Variants in COL22A1 observed in about 807,000 individuals in gnomAD.
COL22A1 encodes the protein collagen type XXII alpha 1 chain, also known as collagen alpha-1(XXII) chain.
COL22A1 carries 221 observed loss-of-function variants against 248.9 expected under a neutral mutation model. That is an observed-to-expected ratio of 0.89 (90% CI 0.80 to 0.99). The LOEUF is 0.99. Among genes scored for constraint, COL22A1 ranks in the 50% least tolerant of loss-of-function variants. The probability of loss-of-function intolerance (pLI) is 0.00; values close to 1 mark genes in which losing one functional copy is unlikely to be tolerated. For synonymous variants in COL22A1, 891 were observed against 793.4 expected, an observed-to-expected ratio of 1.12 and a Z score of -2.07; for missense variants, 2,240 against 2,179.0, an observed-to-expected ratio of 1.03 and a Z score of -0.56.
rs572842565 is a variant in COL22A1, at chr8:138,804,032, C to A, written c.1495-1098G>T. On this transcript the variant is annotated intron_variant, in intron 10 of 64. Transcript: ENST00000303045. ...TAGCAATGGGGCCTCCCCTCTCAGCCCCTCAGCTCCTGGGCCCCTCTATCC... is the reference window on the plus strand; with the variant it reads ...TAGCAATGGGGCCTCCCCTCTCAGCACCTCAGCTCCTGGGCCCCTCTATCC... Among the ~76,000 whole-genome samples the A allele has an allele frequency of 1.9e-4, 29 of 152,260 alleles. No homozygotes were observed. The South Asian group carries it at 5.0e-3, about 26-fold the overall frequency.
chr8:138,656,079 G>A, intron 44 of COL22A1, 135 bp from the exon 45 acceptor site: 2 of 703,448 alleles, frequency 2.8e-6, no homozygotes, highest in Non-Finnish European at 2.4e-6. Context: ...GATACGGACA[G>A]CCCAGTGGAT....
chr8:138,633,177 A>G (rs1012043163), intron 49 of COL22A1, among the ~76,000 whole-genome samples: 10 of 152,384 alleles, frequency 6.6e-5, no homozygotes, highest in African/African-American at 1.4e-4. Flanking sequence ...TTGCTTCTGC[A>G]TGATTGGCTG....
rs142633966 is a variant in COL22A1, at chr8:138,669,309, G to C, written c.3151-5569C>G. On this transcript the variant is annotated intron_variant, in intron 41 of 64. Coordinates refer to ENST00000303045, the MANE Select transcript of COL22A1 (RefSeq NM_152888.3). ...GAAATGGAGAGCAGGGAGTGCCGAA[G>C]AGGGCTCGGCCACGGCCGTGGGGTC... Among the ~76,000 whole-genome samples, 324 of 152,340 alleles carry C rather than the reference G, an allele frequency of 2.1e-3. 1 individual carries two copies. The highest frequency in any genetic ancestry group is 7.4e-3 in the African/African-American group (307 of 41,596).
chr8:138,598,900 T>C lies in COL22A1; in HGVS notation c.4186-2A>G. On this transcript the variant is annotated splice_acceptor_variant, in intron 60 of 64. Coordinates refer to ENST00000303045, the MANE Select transcript of COL22A1 (RefSeq NM_152888.3). LOFTEE classifies it high-confidence loss of function. ...GTCACCTTTGATCCCAGGATCTCCC[T>C]AAGGAGGAAATAAGCATGTCAGCAT... 1 of 1,613,928 alleles carries C rather than the reference T, an allele frequency of 6.2e-7. No homozygotes were observed. Among genetic ancestry groups the C allele is most frequent in the Non-Finnish European group, 8.5e-7 (1 of 1,179,938 alleles).
chr8:138,862,338 C>T (rs539957626), intron 3 of COL22A1, among the ~76,000 whole-genome samples: 4 of 152,302 alleles, frequency 2.6e-5, no homozygotes, highest in South Asian at 2.1e-4. Context: ...CTAGGGAAGT[C>T]GGCCTCTGTC....
chr8:138,844,459 A>G (rs935248632), intron 3 of COL22A1, among the ~76,000 whole-genome samples: 4 of 152,236 alleles, frequency 2.6e-5, no homozygotes, highest in African/African-American at 9.6e-5. Context: ...ACGGACATCA[A>G]TATTAACAAC....
intron 3 of COL22A1, among the ~76,000 whole-genome samples, chr8:138,877,065 A>G (rs1017964942): frequency 6.6e-6 from 1 of 152,094 alleles, no homozygotes; most frequent in Non-Finnish European, 1.5e-5. Flanking sequence ...CCTGGAGGTC[A>G]GGCTTCCAGG....
chr8:138,758,855 G>T (rs774827637), intron 18 of COL22A1, among the ~76,000 whole-genome samples: 1 of 152,098 alleles, frequency 6.6e-6, no homozygotes, highest in Admixed American at 6.5e-5. Context: ...TCCCAAATAT[G>T]AAGGGCCAAA....
In COL22A1 at chr8:138,821,190, G is replaced by A; in HGVS notation, c.1191C>T (p.Asp397=). 2 of 1,614,180 alleles carry A rather than the reference G, an allele frequency of 1.2e-6. No homozygotes were observed. Among genetic ancestry groups the A allele is most frequent in the South Asian group, 2.2e-5 (2 of 91,074 alleles). ...TGCCAATCACAGTCTTGCCCTGGAT[G>A]TCAATGTTCTCCCGTTCCTCGATGG... ...TLPIEERENI[D]IQGKTVIGKR... is the part of the protein sequence containing the mutation. Residue 397 remains aspartate (D), a synonymous_variant, in exon 7 of 65, where the codon GAC becomes GAT. Transcript: ENST00000303045.
intron 56 of COL22A1, among the ~76,000 whole-genome samples, chr8:138,613,602 G>A (rs771383197): frequency 2.1e-4 from 32 of 152,052 alleles, no homozygotes; most frequent in Non-Finnish European, 4.4e-4. Flanking sequence ...GCACAGCCTC[G>A]GGGCAAGGTC....
intron 4 of COL22A1, among the ~76,000 whole-genome samples, chr8:138,833,445 T>C (rs1174938422): frequency 6.6e-6 from 1 of 152,160 alleles, no homozygotes; most frequent in East Asian, 1.9e-4. Flanking sequence ...GTGTCCTGGT[T>C]GTGTGAGGGC....
intron 1 of COL22A1, among the ~76,000 whole-genome samples, chr8:138,902,054 C>T (rs377510787): frequency 2.9e-4 from 44 of 152,042 alleles, no homozygotes; most frequent in African/African-American, 4.3e-4. Flanking sequence ...AGCTGTAAGA[C>T]GCTGTGAAGG....
chr8:138,629,882 TG>T (rs1249451066), intron 50 of COL22A1, among the ~76,000 whole-genome samples: 2 of 152,206 alleles, frequency 1.3e-5, no homozygotes, highest in East Asian at 3.9e-4. Context: ...GGATTGCGCC[TG>T]GCTCTGACAT....
chr8:138,661,923 T>C, intron 43 of COL22A1, 107 bp downstream of exon 43: 2 of 724,276 alleles, frequency 2.8e-6, no homozygotes, highest in Non-Finnish European at 4.5e-6. Flanking sequence ...TCAACCGGGC[T>C]ACAAAGTTGG....
chr8:138,849,817 A>G (rs1476613999), intron 3 of COL22A1, among the ~76,000 whole-genome samples: 3 of 152,190 alleles, frequency 2.0e-5, no homozygotes, highest in Admixed American at 2.0e-4. Flanking sequence ...CACAGAACTG[A>G]GCCCAGGGAG....
At chr8:138,704,138 G>A (rs1210837114) in intron 30 of COL22A1, among the ~76,000 whole-genome samples, 6 of 152,162 alleles carry the variant, frequency 3.9e-5, no homozygotes, top group African/African-American at 1.4e-4. Flanking sequence ...GGCTCGAACT[G>A]GGTGGAGCCA....
chr8:138,688,987 T>C lies in COL22A1; in HGVS notation c.2809-17A>G. ...GGGAGCACCCTGTGGCAAGGAAGATTACGGACATGGTGAATTTAAAGATGA... is the reference window on the plus strand; with the variant it reads ...GGGAGCACCCTGTGGCAAGGAAGATCACGGACATGGTGAATTTAAAGATGA... On this transcript the variant is annotated splice_polypyrimidine_tract_variant and intron_variant, in intron 36 of 64. Transcript: ENST00000303045. 6.2e-7 allele frequency: 1 copy of C among 1,608,258 alleles called. No homozygotes were observed. Among genetic ancestry groups the C allele is most frequent in the African/African-American group, 1.3e-5 (1 of 74,886 alleles).
At chr8:138,783,847 G>T (rs1815266667) in intron 12 of COL22A1, among the ~76,000 whole-genome samples, 1 of 152,176 alleles carries the variant, frequency 6.6e-6, no homozygotes, top group Non-Finnish European at 1.5e-5. Context: ...GGGTTTTCTT[G>T]AAGGCTTACT....
At chr8:138,819,614 TTATA>T (rs1818938714) in intron 7 of COL22A1, among the ~76,000 whole-genome samples, 1 of 148,206 alleles carries the variant, frequency 6.7e-6, no homozygotes, top group African/African-American at 2.4e-5. Context: ...TATTTATATA[TTATA>T]TATAATGGTA....
Sources: allele counts gnomAD v4.1 joint callset (sites outside exome capture counted in the v4.1 genomes callset), GRCh38; gene constraint gnomAD v4.1.1; transcripts MANE v1.5; gene names NCBI Gene and HGNC (gene_info 2026-07-23, HGNC 2026-07-21).